The following ZNG1E variants were observed in gnomAD, a reference collection of about 807,000 sequenced individuals.
The protein encoded by ZNG1E is Zn regulated GTPase metalloprotein activator 1E, also known as zinc-regulated GTPase metalloprotein activator 1E.
At chr9:65,674,010 A>C in the ZNG1E span, among the ~76,000 whole-genome samples, 1 of 152,244 alleles carries the variant, frequency 6.6e-6, no homozygotes, top group Non-Finnish European at 1.5e-5. Flanking sequence ...GGTTGCCAAA[A>C]AAATCAATAC....
chr9:65,684,542 ACACG>A, the ZNG1E span, among the ~76,000 whole-genome samples: 9 of 142,066 alleles, frequency 6.3e-5, no homozygotes, highest in African/African-American at 1.4e-4. Flanking sequence ...ATACACACAC[ACACG>A]CACGCACACA....
At chr9:65,675,812 GT>G in the ZNG1E span, 1 of 899,462 alleles carries the variant, frequency 1.1e-6, no homozygotes, top group African/African-American at 1.8e-5. Flanking sequence ...GGACGAGGCA[GT>G]TCTCGTCCAG....
chr9:65,707,913 G>A, the ZNG1E span: 3 of 146,132 alleles, frequency 2.1e-5, no homozygotes, highest in Non-Finnish European at 4.5e-5. Context: ...AGGCTGGAGT[G>A]CAGTGGTGCA....
chr9:65,667,444 A>G, the ZNG1E span, among the ~76,000 whole-genome samples: 2 of 152,406 alleles, frequency 1.3e-5, no homozygotes, highest in East Asian at 1.9e-4. Flanking sequence ...TGAATTTGAT[A>G]TTTCCATAAC....
At chr9:65,709,261 G>A in the ZNG1E span, among the ~76,000 whole-genome samples, 4 of 147,304 alleles carry the variant, frequency 2.7e-5, no homozygotes, top group African/African-American at 7.7e-5. Context: ...TGAAATACAT[G>A]GAAAATTTTA....
the ZNG1E span, among the ~76,000 whole-genome samples, chr9:65,657,480 A>G: frequency 1.3e-5 from 2 of 152,284 alleles, no homozygotes; most frequent in Admixed American, 6.5e-5. Context: ...AAAAAAACAA[A>G]TTTCACATGT....
the ZNG1E span, among the ~76,000 whole-genome samples, chr9:65,672,449 T>TAAAA: frequency 1.4e-3 from 194 of 141,950 alleles, no homozygotes; most frequent in Middle Eastern, 3.7e-3. Flanking sequence ...TCTTATAAGT[T>TAAAA]AAAAAAAAAA....
the ZNG1E span, among the ~76,000 whole-genome samples, chr9:65,699,215 C>A: frequency 4.7e-5 from 7 of 148,708 alleles, no homozygotes; most frequent in African/African-American, 1.7e-4. Context: ...GAATCCACTG[C>A]GCCTGGCTGA....
the ZNG1E span, among the ~76,000 whole-genome samples, chr9:65,663,766 T>C: frequency 6.6e-6 from 1 of 151,530 alleles, no homozygotes; most frequent in Non-Finnish European, 1.5e-5. Context: ...GTTGCTAACA[T>C]ATTTATTTAA....
chr9:65,713,001 T>TACAA, the ZNG1E span, among the ~76,000 whole-genome samples: 1 of 125,290 alleles, frequency 8.0e-6, no homozygotes, highest in Non-Finnish European at 1.7e-5. Context: ...AGTCTCTTTG[T>TACAA]AGGTCACTCA....
At chr9:65,690,002 A>C in the ZNG1E span, among the ~76,000 whole-genome samples, 20 of 136,734 alleles carry the variant, frequency 1.5e-4, no homozygotes, top group African/African-American at 5.5e-4. Flanking sequence ...TTGGAAAACT[A>C]TTAAGTTTTT....
the ZNG1E span, chr9:65,704,722 C>T: frequency 9.5e-6 from 1 of 105,600 alleles, no homozygotes; most frequent in Non-Finnish European, 1.4e-5. Context: ...ACCATCCTGG[C>T]TAACACTGTG....
the ZNG1E span, among the ~76,000 whole-genome samples, chr9:65,694,295 G>GTT: frequency 1.0e-4 from 14 of 134,394 alleles, no homozygotes; most frequent in Admixed American, 5.5e-4. Context: ...AAGACATTTT[G>GTT]TTTTTTTTTT....
the ZNG1E span, among the ~76,000 whole-genome samples, chr9:65,663,973 A>G: frequency 6.7e-6 from 1 of 149,472 alleles, no homozygotes; most frequent in South Asian, 2.2e-4. Context: ...ATATATATAT[A>G]TGTATAGCAT....
the ZNG1E span, among the ~76,000 whole-genome samples, chr9:65,713,584 G>C: frequency 6.6e-6 from 1 of 151,828 alleles, no homozygotes. Context: ...TTGCTTGTCT[G>C]TAAAGTATTT....
the ZNG1E span, among the ~76,000 whole-genome samples, chr9:65,667,135 C>T: frequency 6.6e-6 from 1 of 152,254 alleles, no homozygotes; most frequent in Admixed American, 6.5e-5. Flanking sequence ...AGTGGTATTA[C>T]CCAGGGATAT....
the ZNG1E span, chr9:65,700,697 T>G: frequency 9.1e-6 from 1 of 110,380 alleles, no homozygotes; most frequent in Admixed American, 9.4e-5. Context: ...CTGTCTTTAC[T>G]CATAATGTAT....
At chr9:65,658,279 C>G in the ZNG1E span, among the ~76,000 whole-genome samples, 2 of 151,800 alleles carry the variant, frequency 1.3e-5, no homozygotes, top group Non-Finnish European at 2.9e-5. Context: ...AAGGGACATT[C>G]AAGAAACAAA....
chr9:65,717,336 T>G, the ZNG1E span, among the ~76,000 whole-genome samples: 16 of 148,892 alleles, frequency 1.1e-4, no homozygotes, highest in Non-Finnish European at 1.6e-4. Flanking sequence ...TCCCATCTTA[T>G]TTCTGGCTTT....
Sources: gnomAD v4.1 joint callset for allele counts (sites outside exome capture counted in the v4.1 genomes callset) on GRCh38, gnomAD v4.1.1 for gene constraint, MANE v1.5 for transcripts, NCBI Gene and HGNC (gene_info 2026-07-23, HGNC 2026-07-21) for gene names.